ABCG2: variants seen among roughly 807,000 people sequenced by gnomAD.
ABCG2 encodes the protein broad substrate specificity ATP-binding cassette transporter ABCG2.
Under a neutral mutation model 73.5 loss-of-function variants are expected in ABCG2, and 80 were observed. The observed-to-expected ratio is 1.09, with a 90% CI of 0.91 to 1.31. The LOEUF (loss-of-function observed/expected upper bound fraction) is 1.31. Ranked by LOEUF, ABCG2 falls within the 50% of genes most tolerant of loss-of-function variation. The probability of loss-of-function intolerance (pLI) is 0.00; values close to 1 mark genes in which losing one functional copy is unlikely to be tolerated. For missense variants in ABCG2, 796 were observed against 786.2 expected (o/e 1.01, Z -0.15); for synonymous variants, 269 against 282.4 (o/e 0.95, Z 0.48).
rs111399007 is a variant in ABCG2 at position 88,212,677 on chromosome 4, T to C, written c.-20+18317A>G. 2.1e-3 allele frequency among the ~76,000 whole-genome samples: 318 copies of C among 152,256 alleles called. 1 individual carries two copies. The highest frequency in any genetic ancestry group is 7.1e-3 in the African/African-American group (296 of 41,538). Reference sequence around the variant, plus strand: ...TATTTCACTGTGCCTCACCCCTCACTGCTTTCTTTAGTCACCATACCTGCC... The same window carrying C: ...TATTTCACTGTGCCTCACCCCTCACCGCTTTCTTTAGTCACCATACCTGCC... On this transcript the variant is annotated intron_variant, in intron 1 of 15. Transcript: ENST00000515655.
chr4:88,125,134 T>G (rs1724297142), intron 5 of ABCG2, among the ~76,000 whole-genome samples: 1 of 149,738 alleles, frequency 6.7e-6, no homozygotes, highest in African/African-American at 2.5e-5. Flanking sequence ...CTACTAAAAA[T>G]ACAAAAAATT....
chr4:88,191,277 A>G (rs960467086), intron 1 of ABCG2, among the ~76,000 whole-genome samples: 1 of 149,852 alleles, frequency 6.7e-6, no homozygotes, highest in Non-Finnish European at 1.5e-5. Flanking sequence ...GTCTCAAAAA[A>G]AAAAAACAAA....
chr4:88,096,230 C>T (rs1721974780), intron 13 of ABCG2, among the ~76,000 whole-genome samples: 1 of 152,148 alleles, frequency 6.6e-6, no homozygotes, highest in Admixed American at 6.6e-5. Context: ...AGCAATAGCG[C>T]AATGGAGATG....
At position 88,091,374 on chromosome 4, in the gene ABCG2, G is replaced by C. The variant is rs968447882; in HGVS notation, c.*860C>G. ...GATGTTAATAGTTATTAAATCCTAA[G>C]TAAAATTTTCAGAACTTGGAAATTA... On this transcript the variant is annotated 3_prime_UTR_variant, in exon 16 of 16. Transcript: ENST00000237612. The C allele has an allele frequency of 1.3e-5, 2 of 152,202 alleles. No individual in the cohort carries two copies. The highest frequency in any genetic ancestry group is 2.9e-5 in the Non-Finnish European group (2 of 68,032). The allele number at this position is 152,202 out of a possible 1,614,324, so 9.4% of individuals were successfully genotyped here.
rs1724839989 is a variant in ABCG2 at position 88,131,148 on chromosome 4, A to C, written c.444T>G (p.Leu148=). ...TTTCATGATTCGTCATAGTTGTTGC[A>C]AGCCGAAGAGCTGCTGAGAACTGTA... ...ENLQFSAALR[L]ATTMTNHEKN... The change falls in exon 5 of 16, where the codon CTT becomes CTG. Residue 148 remains leucine, a synonymous_variant. Coordinates refer to ENST00000237612, the MANE Select transcript of ABCG2 (RefSeq NM_004827.3). 3 of 1,614,108 alleles carry C rather than the reference A, an allele frequency of 1.9e-6. No individual in the cohort carries two copies. The highest frequency in any genetic ancestry group is 2.5e-6 in the Non-Finnish European group (3 of 1,179,996).
upstream of ABCG2, among the ~76,000 whole-genome samples, chr4:88,164,243 T>C (rs1193033825): frequency 6.6e-6 from 1 of 152,164 alleles, no homozygotes; most frequent in Non-Finnish European, 1.5e-5. Flanking sequence ...TTTTTGTATT[T>C]TTAGTAGAGA....
intron 1 of ABCG2, among the ~76,000 whole-genome samples, chr4:88,154,892 A>G (rs958579252): frequency 6.6e-6 from 1 of 152,186 alleles, no homozygotes; most frequent in Admixed American, 6.5e-5. Context: ...CTCTAAAAGT[A>G]TTAGGGCGGC....
chr4:88,153,306 G>A (rs571714005), intron 1 of ABCG2, among the ~76,000 whole-genome samples: 8 of 152,046 alleles, frequency 5.3e-5, no homozygotes, highest in African/African-American at 1.9e-4. Context: ...AAGTTTTTGG[G>A]GGCGCAGTCC....
upstream of ABCG2, among the ~76,000 whole-genome samples, chr4:88,160,372 A>G (rs1359132411): frequency 6.6e-6 from 1 of 152,200 alleles, no homozygotes; most frequent in Admixed American, 6.5e-5. Context: ...AAGTGAAAAG[A>G]ATAAAATTTT....
chr4:88,200,757 C>G (rs1387078171), intron 1 of ABCG2, among the ~76,000 whole-genome samples: 2 of 152,070 alleles, frequency 1.3e-5, no homozygotes, highest in African/African-American at 4.8e-5. Flanking sequence ...GGTGATCCAC[C>G]TGCCTCAGCC....
At position 88,091,010 on chromosome 4, in the gene ABCG2, C is replaced by T. The variant is rs1236799726; in HGVS notation, c.*1224G>A. The T allele has an allele frequency of 6.6e-6, 1 of 152,180 alleles. No individual in the cohort carries two copies. Among genetic ancestry groups the T allele is most frequent in the African/African-American group, 2.4e-5 (1 of 41,442 alleles). The allele number at this position is 152,180 out of a possible 1,614,324, so 9.4% of individuals were successfully genotyped here. A position where few individuals can be genotyped will look rare whatever the true frequency, so the allele number is the denominator to read the frequency against. ...AGTGGGGAGATAATTAAGTATCAAC[C>T]TATGCACACAGAAACACAACACTTG... is the stretch of plus-strand genomic sequence containing the variant. On this transcript the variant is annotated 3_prime_UTR_variant, in exon 16 of 16. Transcript: ENST00000237612.
chr4:88,213,064 G>A (rs1463606958), intron 1 of ABCG2, among the ~76,000 whole-genome samples: 1 of 152,042 alleles, frequency 6.6e-6, no homozygotes, highest in African/African-American at 2.4e-5. Flanking sequence ...ACCGCACCCA[G>A]CTAATTTTTA....
intron 1 of ABCG2, among the ~76,000 whole-genome samples, chr4:88,154,125 T>C (rs1176146978): frequency 1.3e-5 from 2 of 151,956 alleles, no homozygotes; most frequent in Non-Finnish European, 2.9e-5. Flanking sequence ...TAGGTGGGAG[T>C]GACCAATGCG....
intron 1 of ABCG2, among the ~76,000 whole-genome samples, chr4:88,202,372 A>ATATATATATATATATATATATATATATG (rs1473127662): frequency 8.4e-6 from 1 of 119,760 alleles, no homozygotes; most frequent in South Asian, 2.8e-4. Context: ...ATATATATAT[A>ATATATATATATATATATATATATATATG]TATATGTATA....
chr4:88,158,318 T>C (rs538654486), intron 1 of ABCG2, 68 bp downstream of exon 1: 3 of 342,572 alleles, frequency 8.8e-6, no homozygotes, highest in Admixed American at 4.0e-5. Context: ...CTAACAAATA[T>C]ATACACAACG....
rs552308208 is a variant in ABCG2, at chr4:88,154,788, A to C, written c.-20+3598T>G. ...TATAGCTGGAGGAGCCGGGGAGCAG[A>C]AAGTATATGTGTCAGGTGTGAGGAA... is the stretch of plus-strand genomic sequence containing the variant. On this transcript the variant is annotated intron_variant, in intron 1 of 15. Coordinates refer to ENST00000237612, the MANE Select transcript of ABCG2 (RefSeq NM_004827.3). Among the ~76,000 whole-genome samples, 23 of 152,296 alleles carry C rather than the reference A, an allele frequency of 1.5e-4. No homozygotes were observed. The South Asian group carries it at 4.6e-3, about 30-fold the overall frequency.
chr4:88,136,103 TAA>T (rs1725226566), intron 2 of ABCG2, among the ~76,000 whole-genome samples: 1 of 152,028 alleles, frequency 6.6e-6, no homozygotes, highest in Non-Finnish European at 1.5e-5. Flanking sequence ...TATAGAAACA[TAA>T]AGATGGAAAC....
chr4:88,113,374 G>A lies in ABCG2; in HGVS notation c.1123C>T (p.His375Tyr), dbSNP rs755079433. Residue 375 changes from histidine (H) to tyrosine (Y), a missense_variant, in exon 9 of 16, where the codon CAT becomes TAT. Transcript: ENST00000237612. ...KEISYTTSFC[H>Y]QLRWVSKRSF... ...CGCTTGGAAACCCATCTGAGTTGAT[G>A]ACAGAAGGAGGTGGTGTAGCTGATC... The A allele has an allele frequency of 9.3e-6, 15 of 1,614,176 alleles. No homozygotes were observed. The highest frequency in any genetic ancestry group is 1.3e-5 in the Non-Finnish European group (15 of 1,180,022).
At chr4:88,166,747 A>G (rs1727537806) in intron 1 of ABCG2, among the ~76,000 whole-genome samples, 1 of 152,236 alleles carries the variant, frequency 6.6e-6, no homozygotes, top group Non-Finnish European at 1.5e-5. Flanking sequence ...GTAAGGCAAT[A>G]GAAAGATGAA....
Sources: gnomAD v4.1 joint callset for allele counts (sites outside exome capture counted in the v4.1 genomes callset) on GRCh38, gnomAD v4.1.1 for gene constraint, MANE v1.5 for transcripts, NCBI Gene and HGNC (gene_info 2026-07-23, HGNC 2026-07-21) for gene names.